Variants in RNF216 observed in about 807,000 individuals in gnomAD.
RNF216 encodes the protein ring finger protein 216.
Under a neutral mutation model 110.8 loss-of-function variants are expected in RNF216, and 72 were observed. The ratio of observed to expected loss-of-function variants is 0.65; its 90% CI spans 0.54 to 0.79. RNF216 has a LOEUF of 0.79. RNF216 is among the 30% of genes least tolerant of loss of function. The probability of loss-of-function intolerance (pLI) is 0.00; values close to 1 mark genes in which losing one functional copy is unlikely to be tolerated. For synonymous variants in RNF216, 495 were observed against 407.5 expected, an observed-to-expected ratio of 1.21 and a Z score of -2.59; for missense variants, 1,342 against 1,141.2, an observed-to-expected ratio of 1.18 and a Z score of -2.54.
At chr7:5,692,382 G>A (rs1233030688) in intron 13 of RNF216, among the ~76,000 whole-genome samples, 3 of 152,170 alleles carry the variant, frequency 2.0e-5, no homozygotes, top group African/African-American at 7.2e-5. Flanking sequence ...TCATAGCAAC[G>A]CCGGGTGAAT....
At chr7:5,678,632 G>A (rs567183764) in intron 13 of RNF216, among the ~76,000 whole-genome samples, 15 of 152,196 alleles carry the variant, frequency 9.9e-5, no homozygotes, top group East Asian at 1.9e-4. Context: ...GCCGGCACTC[G>A]TAGTGACAAA....
chr7:5,677,858 T>C (rs905351754), intron 13 of RNF216, among the ~76,000 whole-genome samples: 2 of 152,208 alleles, frequency 1.3e-5, no homozygotes, highest in Non-Finnish European at 2.9e-5. Flanking sequence ...GATACTGGAA[T>C]GTAAGGGAGC....
At chr7:5,711,895 T>C in intron 12 of RNF216, 56 bp from the exon 13 acceptor site, 1 of 1,487,614 alleles carries the variant, frequency 6.7e-7, no homozygotes, top group African/African-American at 1.4e-5. Context: ...CTGATCTGGT[T>C]CCAGCTCCAT....
intron 1 of RNF216, among the ~76,000 whole-genome samples, chr7:5,775,984 T>A (rs1472876120): frequency 6.6e-6 from 1 of 152,120 alleles, no homozygotes; most frequent in Admixed American, 6.6e-5. Flanking sequence ...TTTAAAAATG[T>A]CTATAAACGA....
chr7:5,731,079 T>C (rs1467899253), intron 5 of RNF216, among the ~76,000 whole-genome samples: 8 of 152,182 alleles, frequency 5.3e-5, no homozygotes, highest in South Asian at 2.1e-4. Context: ...TATGTATCAA[T>C]TGGGTGTTAA....
chr7:5,739,207 T>G, intron 5 of RNF216, 69 bp downstream of exon 5: 2 of 1,424,382 alleles, frequency 1.4e-6, no homozygotes, highest in Admixed American at 2.9e-5. Flanking sequence ...ATTAAAATGG[T>G]AAATTTTTTA....
chr7:5,683,327 T>C (rs931398804), intron 13 of RNF216, among the ~76,000 whole-genome samples: 5 of 152,058 alleles, frequency 3.3e-5, no homozygotes, highest in East Asian at 1.9e-4. Flanking sequence ...ACAGGGTCTC[T>C]TGTCACCCAG....
At chr7:5,631,668 TA>T (rs59152032) in intron 15 of RNF216, among the ~76,000 whole-genome samples, 28,139 of 147,044 alleles carry the variant, frequency 0.19, 4,302 homozygotes, top group African/African-American at 0.43. Flanking sequence ...CTCATCAACA[TA>T]AAAAAAAAAA....
chr7:5,720,886 GT>G, intron 9 of RNF216, 146 bp downstream of exon 9: 1 of 698,116 alleles, frequency 1.4e-6, no homozygotes, highest in Non-Finnish European at 2.3e-6. Flanking sequence ...CAAAATCCAG[GT>G]TTTTTCTTTT....
chr7:5,738,504 C>T (rs549534073), intron 5 of RNF216, among the ~76,000 whole-genome samples: 2 of 152,120 alleles, frequency 1.3e-5, no homozygotes, highest in South Asian at 2.1e-4. Context: ...GTCAGGAGAT[C>T]GAGACCATCC....
intron 16 of RNF216, among the ~76,000 whole-genome samples, 184 bp from the exon 17 acceptor site, chr7:5,623,363 G>A (rs1436822850): frequency 6.6e-6 from 1 of 152,066 alleles, no homozygotes; most frequent in African/African-American, 2.4e-5. Flanking sequence ...TTCCACCAGT[G>A]TCTTGCTCCA....
chr7:5,643,338 T>A (rs1478196932), intron 14 of RNF216, among the ~76,000 whole-genome samples: 2 of 151,396 alleles, frequency 1.3e-5, no homozygotes, highest in East Asian at 3.9e-4. Context: ...AAATCATGGT[T>A]GATTCCTTCA....
At chr7:5,639,622 G>A (rs1483141063) in intron 15 of RNF216, among the ~76,000 whole-genome samples, 3 of 151,732 alleles carry the variant, frequency 2.0e-5, no homozygotes, top group African/African-American at 4.8e-5. Flanking sequence ...CACCATGCCC[G>A]GCTAATATTT....
intron 5 of RNF216, among the ~76,000 whole-genome samples, chr7:5,737,658 T>C (rs1208095120): frequency 6.6e-6 from 1 of 152,092 alleles, no homozygotes; most frequent in African/African-American, 2.4e-5. Context: ...AAAAAGTACC[T>C]ACATTGGGCT....
chr7:5,781,212 A>AGGGAAGCGCGGTCTCCC (rs1797070332), intron 1 of RNF216, among the ~76,000 whole-genome samples: 1 of 151,824 alleles, frequency 6.6e-6, no homozygotes, highest in South Asian at 2.1e-4. Context: ...GGCCCGGGGG[A>AGGGAAGCGCGGTCTCCC]GGGAAGCGCG....
chr7:5,751,434 G>GT (rs1348992236), intron 3 of RNF216, among the ~76,000 whole-genome samples: 1 of 152,198 alleles, frequency 6.6e-6, no homozygotes, highest in African/African-American at 2.4e-5. Flanking sequence ...AAGCATCCAT[G>GT]TAAGTTTCAT....
intron 13 of RNF216, among the ~76,000 whole-genome samples, chr7:5,675,112 T>C (rs1019657915): frequency 2.3e-4 from 35 of 152,216 alleles, no homozygotes; most frequent in African/African-American, 7.5e-4. Context: ...ATTTAAAAGG[T>C]GAATTTTTTA....
At chr7:5,734,305 G>A (rs1794263171) in intron 5 of RNF216, among the ~76,000 whole-genome samples, 2 of 152,102 alleles carry the variant, frequency 1.3e-5, no homozygotes, top group Non-Finnish European at 2.9e-5. Flanking sequence ...TACCCTACAT[G>A]AATAAACTTA....
chr7:5,721,887 T>A (rs1026947738), intron 8 of RNF216, among the ~76,000 whole-genome samples: 4 of 152,232 alleles, frequency 2.6e-5, no homozygotes, highest in African/African-American at 9.7e-5. Flanking sequence ...GTAAATGATC[T>A]GTTTAGGTTT....
Sources: allele counts gnomAD v4.1 joint callset (sites outside exome capture counted in the v4.1 genomes callset), GRCh38; gene constraint gnomAD v4.1.1; transcripts MANE v1.5; gene names NCBI Gene and HGNC (gene_info 2026-07-23, HGNC 2026-07-21).